EYS: variants seen among roughly 807,000 people sequenced by gnomAD.
The protein encoded by EYS is EGF-like photoreceptor maintenance factor, also known as protein eyes shut homolog.
A neutral mutation model predicts 282.1 loss-of-function variants in EYS; 250 were observed. The observed-to-expected ratio is 0.89, with a 90% CI of 0.80 to 0.98. The LOEUF (loss-of-function observed/expected upper bound fraction) is 0.98, where lower values mean the gene tolerates loss of function less well. Ranked by LOEUF, EYS falls within the 50% of genes least tolerant of loss-of-function variation. EYS has a pLI of 0.00. For missense variants in EYS, 4,016 were observed against 3,709.0 expected, an observed-to-expected ratio of 1.08 and a Z score of -2.15; for synonymous variants, 1,355 against 1,282.9, an observed-to-expected ratio of 1.06 and a Z score of -1.20.
intron 5 of EYS, among the ~76,000 whole-genome samples, chr6:65,429,320 A>G (rs1185214115): frequency 3.3e-5 from 5 of 152,194 alleles, no homozygotes; most frequent in African/African-American, 1.2e-4. Context: ...CAAACGTATT[A>G]TAAAGCCGCT....
Position 65,675,270 on chromosome 6 carries a change from T to G in EYS, c.-448+31865A>C, listed in dbSNP as rs532382998. 1.9e-4 allele frequency among the ~76,000 whole-genome samples: 29 copies of G among 151,918 alleles called. 1 individual carries two copies. The South Asian group carries it at 6.0e-3, about 31-fold the overall frequency. On this transcript the variant is annotated intron_variant, in intron 1 of 42. Coordinates refer to ENST00000503581, the MANE Select transcript of EYS (RefSeq NM_001142800.2). ...AATAAGTCTTTATCAATAAATATTT[T>G]AAATATAAACAAATTAAAATCCCCA... is the stretch of plus-strand genomic sequence containing the variant.
At chr6:64,615,210 T>A (rs1767236322) in intron 24 of EYS, among the ~76,000 whole-genome samples, 1 of 152,120 alleles carries the variant, frequency 6.6e-6, no homozygotes, top group African/African-American at 2.4e-5. Flanking sequence ...TTATAACTGC[T>A]TTATTCTTAA....
intron 12 of EYS, among the ~76,000 whole-genome samples, chr6:65,291,575 G>A (rs865958359): frequency 6.6e-6 from 1 of 151,556 alleles, no homozygotes; most frequent in Non-Finnish European, 1.5e-5. Flanking sequence ...GAAATCCACT[G>A]TTAACCTTTC....
chr6:64,609,837 T>C (rs918085531), intron 24 of EYS, among the ~76,000 whole-genome samples: 5 of 151,936 alleles, frequency 3.3e-5, no homozygotes, highest in Non-Finnish European at 5.9e-5. Context: ...CAGTGAGCTA[T>C]CATCATGTCA....
chr6:65,197,013 A>G (rs919636030), intron 12 of EYS, among the ~76,000 whole-genome samples: 1 of 152,062 alleles, frequency 6.6e-6, no homozygotes, highest in Admixed American at 6.6e-5. Flanking sequence ...AGGACTTTGA[A>G]TTTAATTCCA....
Position 64,157,959 on chromosome 6 carries a change from A to G in EYS, c.6424+72633T>C, listed in dbSNP as rs148414129. Among the ~76,000 whole-genome samples the G allele has an allele frequency of 3.9e-3, 597 of 152,288 alleles. 3 individuals carry two copies. The highest frequency in any genetic ancestry group is 0.013 in the African/African-American group (560 of 41,564). ...AGACCCCAGAATAGTAGATCCAGCT[A>G]CAGCTTGCACCGTTTGGCTGGAAAA... On this transcript the variant is annotated intron_variant, in intron 31 of 42. Transcript: ENST00000503581.
rs750908068 is a variant in EYS at position 64,398,262 on chromosome 6, A to T, written c.5928-9422T>A. Reference sequence around the variant, plus strand: ...AACACGTGTTAGGAGACAGAAGGAGAGGGATTAAATAGGTCAATCCTGTAA... The same window carrying T: ...AACACGTGTTAGGAGACAGAAGGAGTGGGATTAAATAGGTCAATCCTGTAA... On this transcript the variant is annotated intron_variant, in intron 28 of 42. Coordinates refer to ENST00000503581, the MANE Select transcript of EYS (RefSeq NM_001142800.2). 2.0e-5 allele frequency among the ~76,000 whole-genome samples: 3 copies of T among 152,014 alleles called. No homozygotes were observed. The South Asian group carries it at 6.2e-4, about 32-fold the overall frequency.
chr6:65,545,738 T>C (rs1406946417), intron 2 of EYS, among the ~76,000 whole-genome samples: 1 of 152,126 alleles, frequency 6.6e-6, no homozygotes, highest in East Asian at 1.9e-4. Flanking sequence ...TGAACAAACA[T>C]GGAATACCTT....
At chr6:65,591,801 T>C (rs2127368439) in intron 2 of EYS, among the ~76,000 whole-genome samples, 1 of 152,134 alleles carries the variant, frequency 6.6e-6, no homozygotes, top group South Asian at 2.1e-4. Context: ...CTCTCATAAT[T>C]TGCATTCTTA....
chr6:64,331,741 CA>C (rs1422045142), intron 29 of EYS, among the ~76,000 whole-genome samples: 1 of 152,196 alleles, frequency 6.6e-6, no homozygotes, highest in Non-Finnish European at 1.5e-5. Context: ...AACTTGTGCC[CA>C]AAACAATCCA....
At chr6:65,652,310 T>C (rs1767682054) in intron 1 of EYS, among the ~76,000 whole-genome samples, 1 of 152,058 alleles carries the variant, frequency 6.6e-6, no homozygotes, top group African/African-American at 2.4e-5. Flanking sequence ...AGTAATTTTG[T>C]AGTTGACTTT....
At chr6:64,077,163 C>A (rs1298381076) in intron 32 of EYS, among the ~76,000 whole-genome samples, 1 of 151,864 alleles carries the variant, frequency 6.6e-6, no homozygotes, top group Non-Finnish European at 1.5e-5. Context: ...TCTATTGGGA[C>A]CCATTAAGGA....
At chr6:65,315,004 C>T (rs1428044798) in intron 11 of EYS, among the ~76,000 whole-genome samples, 3 of 152,020 alleles carry the variant, frequency 2.0e-5, no homozygotes, top group East Asian at 1.9e-4. Flanking sequence ...TTTGCTGAGA[C>T]CACCCACTGA....
rs1434340921 is a variant in EYS at position 63,863,681 on chromosome 6, T to C, written c.7228+505A>G. On this transcript the variant is annotated intron_variant, in intron 36 of 42. Coordinates refer to ENST00000503581, the MANE Select transcript of EYS (RefSeq NM_001142800.2). Reference sequence around the variant, plus strand: ...TTCTTTTCTTTTCTTTTTTCTTTTTTTTTTTTTTTTTTGAGATGGAGTCTC... The same window carrying C: ...TTCTTTTCTTTTCTTTTTTCTTTTTCTTTTTTTTTTTTGAGATGGAGTCTC... 3.5e-4 allele frequency among the ~76,000 whole-genome samples: 49 copies of C among 141,050 alleles called. No individual in the cohort carries two copies. In the East Asian group the frequency reaches 4.0e-3, roughly 11 times the overall value. The allele number at this position is 141,050 out of a possible 152,430, so 92.5% of individuals were successfully genotyped here. A position where few individuals can be genotyped will look rare whatever the true frequency, so the allele number is the denominator to read the frequency against.
intron 12 of EYS, among the ~76,000 whole-genome samples, chr6:65,220,832 A>C (rs953453038): frequency 6.6e-6 from 1 of 152,108 alleles, no homozygotes; most frequent in East Asian, 1.9e-4. Context: ...TGATATGGAC[A>C]ATAAAGTACA....
chr6:65,609,465 T>G (rs1317951915), intron 2 of EYS, among the ~76,000 whole-genome samples: 2 of 152,140 alleles, frequency 1.3e-5, no homozygotes, highest in Non-Finnish European at 2.9e-5. Flanking sequence ...CTCCTTTTTC[T>G]AGATGAGAAA....
chr6:64,033,134 T>C (rs1433766795), intron 33 of EYS, among the ~76,000 whole-genome samples: 1 of 152,240 alleles, frequency 6.6e-6, no homozygotes, highest in Non-Finnish European at 1.5e-5. Flanking sequence ...TTTCTTATTA[T>C]GTAACAGCTG....
chr6:64,739,486 T>C (rs1772295731), intron 22 of EYS, among the ~76,000 whole-genome samples: 1 of 152,206 alleles, frequency 6.6e-6, no homozygotes, highest in Admixed American at 6.5e-5. Context: ...ATGGTGCTAG[T>C]ATCAAAATGT....
In EYS at chr6:65,005,533, T is replaced by C. The variant is rs1287452787; in HGVS notation, c.2138-7830A>G. The stretch of plus-strand genomic sequence containing the variant: ...GAAGGGACCTCCAAAGTGGTAATGT[T>C]GGACCACTTTCGCTTGCTATTCTGT... On this transcript the variant is annotated intron_variant, in intron 13 of 42. Transcript: ENST00000503581. Among the ~76,000 whole-genome samples, 3 of 147,468 alleles carry C rather than the reference T, an allele frequency of 2.0e-5. 1 individual carries two copies. The East Asian group carries it at 6.4e-4, about 32-fold the overall frequency.
Sources: allele counts gnomAD v4.1 joint callset (sites outside exome capture counted in the v4.1 genomes callset), GRCh38; gene constraint gnomAD v4.1.1; transcripts MANE v1.5; gene names NCBI Gene and HGNC (gene_info 2026-07-23, HGNC 2026-07-21).